ASTN2: variants seen among roughly 807,000 people sequenced by gnomAD.
ASTN2 encodes the protein astrotactin-2.
In ASTN2, 54 loss-of-function variants were observed where a neutral mutation model predicts 139.8. The observed-to-expected ratio is 0.39, with a 90% CI of 0.31 to 0.48. The LOEUF is 0.48. Among genes scored for constraint, ASTN2 ranks in the 20% least tolerant of loss-of-function variants. ASTN2 has a pLI of 0.95. For synonymous variants in ASTN2, 756 were observed against 719.5 expected, an observed-to-expected ratio of 1.05 and a Z score of -0.81; for missense variants, 1,565 against 1,725.1, an observed-to-expected ratio of 0.91 and a Z score of 1.64.
intron 3 of ASTN2, among the ~76,000 whole-genome samples, chr9:117,170,359 C>A (rs930644748): frequency 2.6e-5 from 4 of 152,028 alleles, no homozygotes; most frequent in Non-Finnish European, 4.4e-5. Flanking sequence ...CAGAACTTAT[C>A]TATTAATTAA....
chr9:117,023,185 C>T (rs1390466084), intron 6 of ASTN2, among the ~76,000 whole-genome samples: 1 of 152,104 alleles, frequency 6.6e-6, no homozygotes, highest in Non-Finnish European at 1.5e-5. Flanking sequence ...GAATACTGCT[C>T]AGAGCTCTAC....
chr9:117,400,785 T>C (rs1830807299), intron 1 of ASTN2, among the ~76,000 whole-genome samples: 1 of 152,024 alleles, frequency 6.6e-6, no homozygotes, highest in Non-Finnish European at 1.5e-5. Context: ...TAGTTTAATC[T>C]CATCACATTA....
intron 3 of ASTN2, among the ~76,000 whole-genome samples, chr9:117,174,085 G>A (rs1487742961): frequency 1.3e-5 from 2 of 151,570 alleles, no homozygotes; most frequent in Non-Finnish European, 3.0e-5. Flanking sequence ...AATTATAGAT[G>A]TGGTAGAGAC....
chr9:117,083,196 T>C (rs1243449954), intron 5 of ASTN2, among the ~76,000 whole-genome samples: 1 of 152,218 alleles, frequency 6.6e-6, no homozygotes, highest in Non-Finnish European at 1.5e-5. Flanking sequence ...AGATATTCAG[T>C]AAACATTAGT....
Position 117,131,815 on chromosome 9 carries a change from C to T in ASTN2, c.1168+9511G>A, listed in dbSNP as rs151129662. 3.9e-3 allele frequency among the ~76,000 whole-genome samples: 595 copies of T among 152,274 alleles called. 3 individuals are homozygous for T. The highest frequency in any genetic ancestry group is 0.013 in the African/African-American group (558 of 41,560). Reference sequence around the variant, plus strand: ...TTACATATATCGATTTATGTCTTTGCCTGTAACTTCAGTCTCTGTAAAATG... The same window carrying T: ...TTACATATATCGATTTATGTCTTTGTCTGTAACTTCAGTCTCTGTAAAATG... On this transcript the variant is annotated intron_variant, in intron 4 of 22. Coordinates refer to ENST00000313400, the MANE Select transcript of ASTN2 (RefSeq NM_001365068.1).
At chr9:116,599,565 G>A (rs1271711392) in intron 19 of ASTN2, among the ~76,000 whole-genome samples, 1 of 152,114 alleles carries the variant, frequency 6.6e-6, no homozygotes, top group African/African-American at 2.4e-5. Context: ...ATTCACATAT[G>A]GAAAATGTGT....
intron 19 of ASTN2, among the ~76,000 whole-genome samples, chr9:116,528,693 G>A (rs1185105108): frequency 6.6e-6 from 1 of 152,182 alleles, no homozygotes; most frequent in Admixed American, 6.5e-5. Flanking sequence ...GGAGGCCTAG[G>A]AGGCAATAAT....
At chr9:116,619,605 C>A (rs7872195) in intron 18 of ASTN2, among the ~76,000 whole-genome samples, 1 of 151,736 alleles carries the variant, frequency 6.6e-6, no homozygotes, top group Non-Finnish European at 1.5e-5. Context: ...ATCACTGCAG[C>A]CTTGAATTCC....
At chr9:117,022,993 C>T (rs564596308) in intron 6 of ASTN2, among the ~76,000 whole-genome samples, 12 of 150,968 alleles carry the variant, frequency 7.9e-5, no homozygotes, top group Admixed American at 2.6e-4. Context: ...AACAAACATA[C>T]GACAACAACA....
chr9:116,872,453 C>G (rs529876394), intron 10 of ASTN2, among the ~76,000 whole-genome samples: 1 of 152,274 alleles, frequency 6.6e-6, no homozygotes, highest in South Asian at 2.1e-4. Flanking sequence ...GATGAAAGAT[C>G]TGAGACCCCA....
rs115046990 is a variant in ASTN2 at position 116,826,730 on chromosome 9, C to A, written c.2041-5947G>T. 8.6e-3 allele frequency among the ~76,000 whole-genome samples: 1,307 copies of A among 152,192 alleles called. 28 individuals are homozygous for A. Among genetic ancestry groups the A allele is most frequent in the African/African-American group, 0.03 (1,242 of 41,514 alleles). On this transcript the variant is annotated intron_variant, in intron 11 of 22. Coordinates refer to ENST00000313400, the MANE Select transcript of ASTN2 (RefSeq NM_001365068.1). ...AACTAATGGCCCAAGAATCAGCCCTCAAAAACCTACTAACACTGAAGCCAG... is the reference window on the plus strand; with the variant it reads ...AACTAATGGCCCAAGAATCAGCCCTAAAAAACCTACTAACACTGAAGCCAG...
At chr9:117,293,467 C>T (rs145534407) in intron 1 of ASTN2, among the ~76,000 whole-genome samples, 1 of 152,308 alleles carries the variant, frequency 6.6e-6, no homozygotes, top group African/African-American at 2.4e-5. Context: ...CAAGCAAACA[C>T]ATGCTTGGGC....
chr9:116,827,395 T>A, intron 11 of ASTN2, among the ~76,000 whole-genome samples: 1 of 143,252 alleles, frequency 7.0e-6, no homozygotes, highest in Admixed American at 6.9e-5. Context: ...ATAACAAAGA[T>A]CAGAGCAGAA....
intron 13 of ASTN2, among the ~76,000 whole-genome samples, chr9:116,735,258 G>A (rs1439721253): frequency 3.3e-5 from 5 of 152,164 alleles, no homozygotes; most frequent in Non-Finnish European, 5.9e-5. Context: ...TTATGTCTGT[G>A]TGTGCCTGTG....
At chr9:116,513,604 T>A (rs910553734) in intron 19 of ASTN2, among the ~76,000 whole-genome samples, 1 of 152,232 alleles carries the variant, frequency 6.6e-6, no homozygotes, top group African/African-American at 2.4e-5. Context: ...TTTTCCAACT[T>A]GGTTCCATTC....
chr9:116,969,570 A>T (rs967923413), intron 10 of ASTN2, among the ~76,000 whole-genome samples: 4 of 152,176 alleles, frequency 2.6e-5, no homozygotes, highest in African/African-American at 9.7e-5. Flanking sequence ...AGAGTGCACC[A>T]GAGAAACACA....
At chr9:116,962,113 A>T (rs1835890424) in intron 10 of ASTN2, among the ~76,000 whole-genome samples, 1 of 152,204 alleles carries the variant, frequency 6.6e-6, no homozygotes, top group African/African-American at 2.4e-5. Flanking sequence ...AAAGGGTTTC[A>T]ACTGGCAGGG....
intron 10 of ASTN2, among the ~76,000 whole-genome samples, chr9:116,886,102 C>G (rs1427071915): frequency 6.6e-6 from 1 of 152,232 alleles, no homozygotes; most frequent in African/African-American, 2.4e-5. Flanking sequence ...CAACATCAGG[C>G]AGCAAAAAAG....
Position 116,698,700 on chromosome 9 carries a change from G to C in ASTN2, c.2806+27071C>G, listed in dbSNP as rs1297563172. On this transcript the variant is annotated intron_variant, in intron 16 of 22. Coordinates refer to ENST00000313400, the MANE Select transcript of ASTN2 (RefSeq NM_001365068.1). The surrounding 1 kb of genome is among the most constrained non-coding windows in gnomAD (Gnocchi z 4.4). ...CACAGCGTCTGCTGCCTCTACCTCT[G>C]TTACTTTTAGAGAGATGGACATGAG... 1 of 1,614,220 alleles carries C rather than the reference G, an allele frequency of 6.2e-7. No individual in the cohort carries two copies. Among genetic ancestry groups the C allele is most frequent in the South Asian group, 1.1e-5 (1 of 91,090 alleles).
Sources: gnomAD v4.1 joint callset for allele counts (sites outside exome capture counted in the v4.1 genomes callset) on GRCh38, gnomAD v4.1.1 for gene constraint, Gnocchi (gnomAD v3.1) non-coding constraint, MANE v1.5 for transcripts, NCBI Gene and HGNC (gene_info 2026-07-23, HGNC 2026-07-21) for gene names.